Variants in PFKP observed in about 807,000 individuals in gnomAD.
The protein encoded by PFKP is ATP-dependent 6-phosphofructokinase, platelet type.
A neutral mutation model predicts 94.3 loss-of-function variants in PFKP; 101 were observed. The observed-to-expected ratio is 1.07, with a 90% CI of 0.91 to 1.26. PFKP has a LOEUF of 1.26. Ranked by LOEUF, PFKP falls within the 50% of genes most tolerant of loss-of-function variation. PFKP has a pLI of 0.00. For synonymous variants in PFKP, 573 were observed against 432.6 expected (o/e 1.32, Z -4.03); for missense variants, 1,145 against 1,103.3 (o/e 1.04, Z -0.53).
At chr10:3,130,438 T>TC (rs1344115489) in intron 17 of PFKP, among the ~76,000 whole-genome samples, 1 of 152,148 alleles carries the variant, frequency 6.6e-6, no homozygotes, top group Non-Finnish European at 1.5e-5. Flanking sequence ...GGGAAGGGTG[T>TC]CGCTGACCCC....
intron 2 of PFKP, among the ~76,000 whole-genome samples, chr10:3,084,231 C>T (rs772743617): frequency 6.6e-6 from 1 of 152,194 alleles, no homozygotes; most frequent in Non-Finnish European, 1.5e-5. Context: ...TGTCCAGCCT[C>T]GTCCCAGCCC....
intron 11 of PFKP, 62 bp from the exon 12 acceptor site, chr10:3,113,057 C>G: frequency 6.8e-7 from 1 of 1,474,596 alleles, no homozygotes; most frequent in Middle Eastern, 1.7e-4. Context: ...CTTTTCTCCA[C>G]ATGAGCCCTG....
intron 1 of PFKP, chr10:3,070,144 C>G (rs926138188): frequency 6.6e-6 from 1 of 152,264 alleles, no homozygotes; most frequent in Non-Finnish European, 1.5e-5. Context: ...CACTCTTTCC[C>G]TGGCAGAGCT....
At chr10:3,095,960 T>TC (rs397795411) in intron 2 of PFKP, among the ~76,000 whole-genome samples, 1 of 152,048 alleles carries the variant, frequency 6.6e-6, no homozygotes, top group Non-Finnish European at 1.5e-5. Context: ...TTCTATTTTT[T>TC]AATGGCTTTC....
Position 3,108,704 on chromosome 10 carries a change from G to T in PFKP, c.874G>T (p.Val292Phe). Residue 292 changes from valine to phenylalanine, a missense_variant, in exon 9 of 22, where the codon GTC (valine) becomes TTC (phenylalanine). This residue lies in a region of PFKP where 1,119 missense variants were observed against 1,062.8 expected (regional missense o/e 1.05). Transcript: ENST00000381125. ...PITSEKIKEL[V>F]VTQLGYDTRV... ...CTAACGAGATGTTTCCTTGCAGCTT[G>T]TCGTCACGCAGCTGGGCTATGACAC... 1 of 1,612,934 alleles carries T rather than the reference G, an allele frequency of 6.2e-7. No individual in the cohort carries two copies. Among genetic ancestry groups the T allele is most frequent in the Non-Finnish European group, 8.5e-7 (1 of 1,178,946 alleles).
chr10:3,119,938 A>G lies in PFKP; in HGVS notation c.1577A>G (p.Glu526Gly), dbSNP rs41288721. 11,076 of 1,614,092 alleles carry G rather than the reference A, an allele frequency of 6.9e-3. 53 individuals are homozygous for G. The highest frequency in any genetic ancestry group is 8.3e-3 in the Non-Finnish European group (9,784 of 1,179,982). The change falls in exon 16 of 22, where the codon GAG (glutamate) becomes GGG (glycine). Residue 526 changes from glutamate (E) to glycine (G), a missense_variant. By Grantham distance (98) the Glu-to-Gly change is moderately conservative (BLOSUM62 -2). This residue lies in a region of PFKP where 1,119 missense variants were observed against 1,062.8 expected (regional missense o/e 1.05). Transcript: ENST00000381125. Reference sequence around the variant, plus strand: ...CTGTCAGCCGCCCGGGAGAAGCACGAGGAGTTCTGTGTCCCCATGGTCATG... The same window carrying G: ...CTGTCAGCCGCCCGGGAGAAGCACGGGGAGTTCTGTGTCCCCATGGTCATG... ...LELSAAREKH[E>G]EFCVPMVMVP...
chr10:3,079,725 A>G (rs1388512617), intron 1 of PFKP, among the ~76,000 whole-genome samples: 1 of 145,140 alleles, frequency 6.9e-6, no homozygotes, highest in Non-Finnish European at 1.5e-5. Context: ...GTGCTCCTGC[A>G]TCACCTGCTT....
chr10:3,129,287 T>G (rs1838288804), intron 16 of PFKP: 1 of 152,270 alleles, frequency 6.6e-6, no homozygotes, highest in Non-Finnish European at 1.5e-5. Context: ...TGCCTTTGAG[T>G]AGAGTTTCCA....
rs773809327 is a variant in PFKP, at chr10:3,109,447, C to A, written c.1056C>A (p.Ala352=). The A allele has an allele frequency of 7.5e-6, 12 of 1,606,836 alleles. No homozygotes were observed. The highest frequency in any genetic ancestry group is 2.2e-5 in the East Asian group (1 of 44,850). ...ACVVSLNGNH[A]VRLPLMECVQ... is the part of the protein sequence containing the mutation. Reference sequence around the variant, plus strand: ...TCGTGTCACTGAACGGGAACCACGCCGTGCGCCTGCCGCTGATGGAGTGCG... The same window carrying A: ...TCGTGTCACTGAACGGGAACCACGCAGTGCGCCTGCCGCTGATGGAGTGCG... The change falls in exon 10 of 22, where the codon GCC becomes GCA. Residue 352 remains alanine (A), a synonymous_variant. Transcript: ENST00000381125.
At chr10:3,090,673 C>T (rs867947075) in intron 2 of PFKP, among the ~76,000 whole-genome samples, 5 of 152,080 alleles carry the variant, frequency 3.3e-5, no homozygotes, top group Admixed American at 6.5e-5. Flanking sequence ...TCTCAGGATG[C>T]GGAGCAGCAC....
At chr10:3,099,116 A>G (rs147087740) in intron 2 of PFKP, among the ~76,000 whole-genome samples, 159 bp from the exon 3 acceptor site, 8 of 152,258 alleles carry the variant, frequency 5.3e-5, no homozygotes, top group Admixed American at 2.0e-4. Flanking sequence ...CCCACAATTC[A>G]CTGCTTTTAT....
chr10:3,076,549 A>AC (rs529462967), intron 1 of PFKP, among the ~76,000 whole-genome samples: 13 of 147,294 alleles, frequency 8.8e-5, no homozygotes, highest in African/African-American at 3.3e-4. Context: ...CACCCTCAAC[A>AC]CCCCCCACCC....
intron 1 of PFKP, chr10:3,069,258 A>G: frequency 6.8e-7 from 1 of 1,464,320 alleles, no homozygotes; most frequent in South Asian, 1.4e-5. Flanking sequence ...CCCCAGCATC[A>G]ACGTTCTTCC....
rs747416036 is a variant in PFKP at position 3,129,913 on chromosome 10, TGGG to T, written c.1783_1785del (p.Gly595del). On this transcript the variant is annotated inframe_deletion, in exon 17 of 22. Transcript: ENST00000381125. ...GGCTACTGTGGCTACCTGGCCAACA[TGGG>T]GGGGCTCGCGGCCGGAGCTGATGCC... 6.2e-7 allele frequency: 1 copy of T among 1,611,618 alleles called. No homozygotes were observed. The highest frequency in any genetic ancestry group is 8.5e-7 in the Non-Finnish European group (1 of 1,178,900).
chr10:3,113,379 G>A lies in PFKP; in HGVS notation c.1232G>A (p.Cys411Tyr). The change falls in exon 13 of 22, where the codon TGC (cysteine) becomes TAC (tyrosine). Residue 411 changes from cysteine to tyrosine, a missense_variant. Transcript: ENST00000381125. ...CTGCCTTCTGTTTTGCAGACCAATT[G>A]CAACGTAGCTGTCATCAACGTGGGG... ...LPDDQIPKTN[C>Y]NVAVINVGAP... 6.3e-7 allele frequency: 1 copy of A among 1,584,738 alleles called. No homozygotes were observed. The highest frequency in any genetic ancestry group is 1.7e-4 in the Middle Eastern group (1 of 5,914).
intron 2 of PFKP, among the ~76,000 whole-genome samples, chr10:3,086,796 G>A (rs918795313): frequency 6.6e-6 from 1 of 152,114 alleles, no homozygotes; most frequent in Non-Finnish European, 1.5e-5. Context: ...TTTTTGTGGC[G>A]ATTGTCGGGT....
At chr10:3,077,458 G>A (rs1432870662) in intron 1 of PFKP, among the ~76,000 whole-genome samples, 1 of 151,462 alleles carries the variant, frequency 6.6e-6, no homozygotes, top group African/African-American at 2.4e-5. Context: ...AGTAGAGATG[G>A]GGTTTCACCC....
At chr10:3,120,084 C>A (rs371949274) in intron 16 of PFKP, 40 bp downstream of exon 16, 1 of 1,605,794 alleles carries the variant, frequency 6.2e-7, no homozygotes, top group East Asian at 2.2e-5. Flanking sequence ...CGCCGGCTGA[C>A]GCTAACCCCG....
At position 3,072,199 on chromosome 10, in the gene PFKP, C is replaced by T. The variant is rs139110617; in HGVS notation, c.112+4492C>T. On this transcript the variant is annotated intron_variant, in intron 1 of 21. Transcript: ENST00000381125. ...TCTAATTAAAAGTATCCAATATCCTCAGGTCAATATGTGTAAACTGTTAAG... is the reference window on the plus strand; with the variant it reads ...TCTAATTAAAAGTATCCAATATCCTTAGGTCAATATGTGTAAACTGTTAAG... Among the ~76,000 whole-genome samples the T allele has an allele frequency of 5.3e-4, 80 of 152,370 alleles. 1 individual carries two copies. The highest frequency in any genetic ancestry group is 1.7e-3 in the African/African-American group (69 of 41,594).
Sources: allele counts gnomAD v4.1 joint callset (sites outside exome capture counted in the v4.1 genomes callset), GRCh38; gene constraint gnomAD v4.1.1; regional missense constraint gnomAD v4.1.1; transcripts MANE v1.5; gene names NCBI Gene and HGNC (gene_info 2026-07-23, HGNC 2026-07-21).